The following PLEKHH2 variants were observed in gnomAD, a reference collection of about 807,000 sequenced individuals.
The protein encoded by PLEKHH2 is pleckstrin homology domain-containing family H member 2.
In PLEKHH2, 129 loss-of-function variants were observed where a neutral mutation model predicts 187.9. That is an observed-to-expected ratio of 0.69 (90% CI 0.59 to 0.79). The LOEUF (loss-of-function observed/expected upper bound fraction) is 0.79. PLEKHH2 is among the 30% of genes least tolerant of loss of function. The pLI is 0.00. For synonymous variants in PLEKHH2, 686 were observed against 605.6 expected, an observed-to-expected ratio of 1.13 and a Z score of -1.95; for missense variants, 2,076 against 1,751.2, an observed-to-expected ratio of 1.19 and a Z score of -3.31.
intron 2 of PLEKHH2, among the ~76,000 whole-genome samples, chr2:43,652,450 T>C (rs115224826): frequency 3.6e-4 from 55 of 152,274 alleles, no homozygotes; most frequent in African/African-American, 1.2e-3. Flanking sequence ...TAACTGACTG[T>C]ATGCATATTT....
At chr2:43,670,121 A>G (rs2104399047) in intron 2 of PLEKHH2, among the ~76,000 whole-genome samples, 1 of 137,408 alleles carries the variant, frequency 7.3e-6, no homozygotes, top group South Asian at 2.3e-4. Context: ...AAAAGAAAAC[A>G]TTTTTTAGGT....
At chr2:43,693,506 A>T (rs1043312047) in intron 4 of PLEKHH2, among the ~76,000 whole-genome samples, 25 of 152,156 alleles carry the variant, frequency 1.6e-4, no homozygotes, top group African/African-American at 5.8e-4. Flanking sequence ...CAGGTGGATC[A>T]CGAGGTCAGG....
At chr2:43,720,802 C>A in intron 16 of PLEKHH2, 53 bp downstream of exon 16, 1 of 1,552,416 alleles carries the variant, frequency 6.4e-7, no homozygotes, top group South Asian at 1.2e-5. Flanking sequence ...TGTGTTAGGG[C>A]TTAAACTTTT....
At chr2:43,748,708 G>C (rs1387783991) in intron 24 of PLEKHH2, among the ~76,000 whole-genome samples, 1 of 151,950 alleles carries the variant, frequency 6.6e-6, no homozygotes, top group Admixed American at 6.6e-5. Flanking sequence ...GAAGGAGCCA[G>C]CTCCTGGACC....
chr2:43,699,583 G>A, intron 7 of PLEKHH2, 64 bp from the exon 8 acceptor site: 1 of 1,532,826 alleles, frequency 6.5e-7, no homozygotes, highest in Non-Finnish European at 8.8e-7. Context: ...GCTACATAAA[G>A]CTAAATGTAC....
intron 22 of PLEKHH2, among the ~76,000 whole-genome samples, 167 bp from the exon 23 acceptor site, chr2:43,743,667 T>C (rs928297820): frequency 1.3e-5 from 2 of 152,208 alleles, no homozygotes; most frequent in African/African-American, 4.8e-5. Context: ...ATTTATGAGG[T>C]AACTTTGTTA....
Position 43,675,864 on chromosome 2 carries a change from C to T in PLEKHH2, c.124-2999C>T, listed in dbSNP as rs778443059. Reference sequence around the variant, plus strand: ...ATGCATCCCTTGTAAACAAAAGGTACTTTAAATTTTCAATGACAGCAAACG... The same window carrying T: ...ATGCATCCCTTGTAAACAAAAGGTATTTTAAATTTTCAATGACAGCAAACG... On this transcript the variant is annotated intron_variant, in intron 2 of 29. Transcript: ENST00000282406. The T allele has an allele frequency of 9.9e-6, 16 of 1,614,064 alleles. No individual in the cohort carries two copies. In the Admixed American group the frequency reaches 2.5e-4, roughly 25 times the overall value.
intron 16 of PLEKHH2, among the ~76,000 whole-genome samples, chr2:43,722,613 TC>T (rs957423293): frequency 2.6e-5 from 4 of 152,166 alleles, no homozygotes; most frequent in Non-Finnish European, 5.9e-5. Context: ...CAAATACAGT[TC>T]CCAATTTCTC....
At chr2:43,764,417 T>C in intron 29 of PLEKHH2, 52 bp downstream of exon 29, 1 of 1,562,878 alleles carries the variant, frequency 6.4e-7, no homozygotes, top group Non-Finnish European at 8.7e-7. Context: ...TTTCACTTAG[T>C]CTTAGCCAGA....
chr2:43,692,084 C>G (rs1416004527), intron 3 of PLEKHH2: 1 of 152,300 alleles, frequency 6.6e-6, no homozygotes, highest in Non-Finnish European at 1.5e-5. Flanking sequence ...TCTTTTTCAC[C>G]TAGGTTCAAG....
chr2:43,693,137 G>T (rs1668899454), intron 4 of PLEKHH2, among the ~76,000 whole-genome samples: 2 of 151,756 alleles, frequency 1.3e-5, no homozygotes, highest in Middle Eastern at 3.4e-3. Context: ...GTTTTGCCAT[G>T]TTGGCCAGGC....
At chr2:43,670,735 G>C (rs1667457665) in intron 2 of PLEKHH2, among the ~76,000 whole-genome samples, 3 of 151,994 alleles carry the variant, frequency 2.0e-5, no homozygotes, top group African/African-American at 4.8e-5. Flanking sequence ...TTTTGATTAA[G>C]ACTGGGTGGA....
At chr2:43,713,765 C>G (rs886583153) in intron 15 of PLEKHH2, among the ~76,000 whole-genome samples, 12 of 150,886 alleles carry the variant, frequency 8.0e-5, no homozygotes, top group African/African-American at 2.7e-4. Context: ...TATGTATACA[C>G]ACATAATCAC....
At chr2:43,641,907 GA>G (rs1216520012) in intron 1 of PLEKHH2, among the ~76,000 whole-genome samples, 1 of 152,138 alleles carries the variant, frequency 6.6e-6, no homozygotes, top group Admixed American at 6.5e-5. Context: ...AGTAAGTTTA[GA>G]AATAGTAACA....
chr2:43,758,177 A>G (rs1441158442), intron 26 of PLEKHH2, among the ~76,000 whole-genome samples: 7 of 152,226 alleles, frequency 4.6e-5, no homozygotes, highest in Non-Finnish European at 8.8e-5. Context: ...TTCACCTTGC[A>G]TCTAACATCT....
intron 3 of PLEKHH2, among the ~76,000 whole-genome samples, chr2:43,688,612 C>A (rs1668641188): frequency 6.6e-6 from 1 of 152,146 alleles, no homozygotes; most frequent in Non-Finnish European, 1.5e-5. Context: ...TTGGGATCCC[C>A]AACAGTACTC....
chr2:43,653,514 G>C (rs1297959970), intron 2 of PLEKHH2, among the ~76,000 whole-genome samples: 2 of 152,208 alleles, frequency 1.3e-5, no homozygotes, highest in African/African-American at 4.8e-5. Flanking sequence ...CTTCTCTGAG[G>C]ACTCTCCAGA....
chr2:43,710,731 A>G, intron 14 of PLEKHH2, 156 bp downstream of exon 14: 1 of 1,414,050 alleles, frequency 7.1e-7, no homozygotes. Flanking sequence ...AAACTCCACG[A>G]ATTTTTGGTT....
chr2:43,759,175 A>G, intron 27 of PLEKHH2, 146 bp downstream of exon 27: 2 of 1,261,870 alleles, frequency 1.6e-6, no homozygotes, highest in Non-Finnish European at 2.1e-6. Context: ...GACACTAGAG[A>G]AAGGGCAGAA....
Sources: gnomAD v4.1 joint callset for allele counts (sites outside exome capture counted in the v4.1 genomes callset) on GRCh38, gnomAD v4.1.1 for gene constraint, MANE v1.5 for transcripts, NCBI Gene and HGNC (gene_info 2026-07-23, HGNC 2026-07-21) for gene names.